Variants in ACVR1 observed in about 807,000 individuals in gnomAD.
ACVR1 encodes activin A receptor type 1.
Under a neutral mutation model 57.1 loss-of-function variants are expected in ACVR1, and 38 were observed. The observed-to-expected ratio is 0.67, with a 90% CI of 0.51 to 0.87. The LOEUF (loss-of-function observed/expected upper bound fraction) is 0.87. ACVR1 is among the 40% of genes least tolerant of loss of function. The pLI is 0.00. For synonymous variants in ACVR1, 212 were observed against 228.1 expected (o/e 0.93, Z 0.63); for missense variants, 463 against 638.2 (o/e 0.73, Z 2.96).
intron 9 of ACVR1, among the ~76,000 whole-genome samples, chr2:157,744,844 C>T (rs1300467335): frequency 1.3e-5 from 2 of 152,210 alleles, no homozygotes; most frequent in Admixed American, 6.5e-5. Flanking sequence ...CGAGTTCTGG[C>T]CGCTTGGCCC....
intron 3 of ACVR1, among the ~76,000 whole-genome samples, chr2:157,784,452 T>C (rs114864592): frequency 1.6e-4 from 25 of 152,378 alleles, no homozygotes; most frequent in African/African-American, 4.8e-4. Context: ...CTCCACCTAA[T>C]TGACATTCAT....
chr2:157,812,922 G>A (rs977797127), intron 2 of ACVR1, among the ~76,000 whole-genome samples: 4 of 152,146 alleles, frequency 2.6e-5, no homozygotes, highest in Non-Finnish European at 5.9e-5. Context: ...GATATAGAAA[G>A]TCTAGGGTTC....
At position 157,780,371 on chromosome 2, in the gene ACVR1, A is replaced by G. The variant is rs954208837; in HGVS notation, c.297T>C (p.Cys99=). The change falls in exon 4 of 11, where the codon TGT becomes TGC. Residue 99 remains cysteine (C), a synonymous_variant. Coordinates refer to ENST00000434821, the MANE Select transcript of ACVR1 (RefSeq NM_001111067.4). ...GCAGCTGGGCCGTGATGTTCCTGTT[A>G]CACCAGTCCCCTTGGCAGCACTCCA... is the stretch of plus-strand genomic sequence containing the variant. The part of the protein sequence containing the change: ...QAVECCQGDW[C]NRNITAQLPT... 4 of 1,614,056 alleles carry G rather than the reference A, an allele frequency of 2.5e-6. No homozygotes were observed. Among genetic ancestry groups the G allele is most frequent in the Admixed American group, 3.3e-5 (2 of 60,004 alleles).
chr2:157,866,132 T>A (rs1689923210), intron 1 of ACVR1, among the ~76,000 whole-genome samples: 1 of 152,128 alleles, frequency 6.6e-6, no homozygotes, highest in Non-Finnish European at 1.5e-5. Context: ...GCACATGTAA[T>A]GAAATAAAGC....
At chr2:157,798,212 A>G (rs1559063162) in intron 3 of ACVR1, among the ~76,000 whole-genome samples, 1 of 152,026 alleles carries the variant, frequency 6.6e-6, no homozygotes, top group African/African-American at 2.4e-5. Flanking sequence ...AACACAAAGT[A>G]TGTATGTCTT....
intron 1 of ACVR1, among the ~76,000 whole-genome samples, chr2:157,837,583 T>C (rs533161433): frequency 2.6e-5 from 4 of 152,256 alleles, no homozygotes; most frequent in African/African-American, 7.2e-5. Flanking sequence ...GTGACTGTTC[T>C]GTCAAAGTTT....
chr2:157,763,980 C>A (rs942942538), intron 8 of ACVR1, among the ~76,000 whole-genome samples: 8 of 152,038 alleles, frequency 5.3e-5, no homozygotes, highest in African/African-American at 1.9e-4. Flanking sequence ...GCAAAGTTCC[C>A]CTCAACTCCT....
chr2:157,738,382 G>T, intron 10 of ACVR1, 58 bp downstream of exon 10: 2 of 1,612,756 alleles, frequency 1.2e-6, no homozygotes, highest in Non-Finnish European at 1.7e-6. Context: ...AAACTCAAAG[G>T]GAAACAAATA....
intron 3 of ACVR1, among the ~76,000 whole-genome samples, chr2:157,785,764 A>G (rs1000770451): frequency 6.6e-6 from 1 of 152,206 alleles, no homozygotes; most frequent in Non-Finnish European, 1.5e-5. Context: ...AAGATTGCAT[A>G]TAAATTGAAT....
intron 1 of ACVR1, among the ~76,000 whole-genome samples, chr2:157,822,376 T>C (rs913429608): frequency 8.5e-5 from 13 of 152,248 alleles, no homozygotes; most frequent in Non-Finnish European, 1.8e-4. Flanking sequence ...ATAACTGTGT[T>C]AACCACATTA....
intron 3 of ACVR1, among the ~76,000 whole-genome samples, chr2:157,787,626 A>G (rs933720315): frequency 7.2e-5 from 11 of 152,146 alleles, no homozygotes; most frequent in Non-Finnish European, 1.5e-4. Flanking sequence ...CATCGATTGA[A>G]TGTCTCAGGC....
At chr2:157,837,637 T>C (rs551687333) in intron 1 of ACVR1, among the ~76,000 whole-genome samples, 2 of 152,314 alleles carry the variant, frequency 1.3e-5, no homozygotes, top group South Asian at 2.1e-4. Flanking sequence ...AATAACAATT[T>C]CTATTGTCAC....
intron 4 of ACVR1, 149 bp from the exon 5 acceptor site, chr2:157,778,491 C>A (rs565452262): frequency 1.5e-5 from 10 of 677,914 alleles, no homozygotes; most frequent in Non-Finnish European, 2.3e-5. Flanking sequence ...TTCCTAATGC[C>A]TGGCCAATGG....
At chr2:157,798,796 G>C (rs2105305428) in intron 3 of ACVR1, among the ~76,000 whole-genome samples, 1 of 152,226 alleles carries the variant, frequency 6.6e-6, no homozygotes, top group African/African-American at 2.4e-5. Context: ...CAAAAGTGCT[G>C]GGATTACAGG....
intron 1 of ACVR1, among the ~76,000 whole-genome samples, chr2:157,832,425 C>T (rs1688615362): frequency 6.6e-6 from 1 of 152,140 alleles, no homozygotes; most frequent in Admixed American, 6.5e-5. Flanking sequence ...TGAGGCCAGC[C>T]TACCTGGAAT....
At chr2:157,844,294 T>C (rs1689063712) in intron 1 of ACVR1, among the ~76,000 whole-genome samples, 1 of 152,122 alleles carries the variant, frequency 6.6e-6, no homozygotes, top group Non-Finnish European at 1.5e-5. Context: ...CAAGTAACAG[T>C]GACAGCTCTG....
chr2:157,778,105 G>A, intron 5 of ACVR1, 26 bp downstream of exon 5: 2 of 1,611,180 alleles, frequency 1.2e-6, no homozygotes, highest in Non-Finnish European at 8.5e-7. Flanking sequence ...CTTATGCTTG[G>A]GATTTCCTGT....
rs559248695 is a variant in ACVR1 at position 157,841,153 on chromosome 2, A to G, written c.-182-22594T>C. On this transcript the variant is annotated intron_variant, in intron 1 of 10. Transcript: ENST00000434821. ...TGTCCATACTTGGCTTCTAATCCCC[A>G]AAGATCAAAAAGTGGGGATATTAAA... Among the ~76,000 whole-genome samples the G allele has an allele frequency of 2.6e-4, 39 of 152,334 alleles. No homozygotes were observed. In the South Asian group the frequency reaches 3.7e-3, roughly 15 times the overall value.
intron 1 of ACVR1, among the ~76,000 whole-genome samples, chr2:157,853,321 T>TGG (rs1375592909): frequency 6.6e-6 from 1 of 152,182 alleles, no homozygotes; most frequent in Non-Finnish European, 1.5e-5. Context: ...GTCCTCTTCC[T>TGG]GGCTAACAGG....
Sources: gnomAD v4.1 joint callset for allele counts (sites outside exome capture counted in the v4.1 genomes callset) on GRCh38, gnomAD v4.1.1 for gene constraint, MANE v1.5 for transcripts, NCBI Gene and HGNC (gene_info 2026-07-23, HGNC 2026-07-21) for gene names.